PCSK5: variants seen among roughly 807,000 people sequenced by gnomAD.
PCSK5 encodes the protein prohormone convertase 5.
In PCSK5, 129 loss-of-function variants were observed where a neutral mutation model predicts 233.2. The observed-to-expected ratio is 0.55, with a 90% CI of 0.48 to 0.64. PCSK5 has a LOEUF of 0.64. Ranked by LOEUF, PCSK5 falls within the 30% of genes least tolerant of loss-of-function variation. PCSK5 has a pLI of 0.00. For missense variants in PCSK5, 2,076 were observed against 2,430.1 expected, an observed-to-expected ratio of 0.85 and a Z score of 3.06; for synonymous variants, 825 against 879.2, an observed-to-expected ratio of 0.94 and a Z score of 1.09.
intron 3 of PCSK5, among the ~76,000 whole-genome samples, chr9:75,993,929 T>G (rs1159450075): frequency 6.6e-5 from 10 of 152,226 alleles, no homozygotes; most frequent in South Asian, 2.1e-4. Flanking sequence ...AAATTCCACA[T>G]CCACAGAAGA....
intron 10 of PCSK5, among the ~76,000 whole-genome samples, chr9:76,146,543 T>C (rs973968355): frequency 1.3e-5 from 2 of 151,012 alleles, no homozygotes; most frequent in Non-Finnish European, 3.0e-5. Flanking sequence ...TATATATATG[T>C]GTATATATAT....
In PCSK5 at chr9:76,069,214, G is replaced by A. The variant is rs74392776; in HGVS notation, c.721+1171G>A. On this transcript the variant is annotated intron_variant, in intron 6 of 37. Coordinates refer to ENST00000674117, the MANE Select transcript of PCSK5 (RefSeq NM_001372043.1). ...AAAGAGGCAAAGAAAAAAATTCTTC[G>A]TTCCCTGAAGAATGATGAGTTTTGG... Among the ~76,000 whole-genome samples the A allele has an allele frequency of 4.9e-3, 743 of 152,122 alleles. 4 individuals carry two copies. The highest frequency in any genetic ancestry group is 0.017 in the African/African-American group (691 of 41,488).
intron 3 of PCSK5, among the ~76,000 whole-genome samples, chr9:75,992,641 G>C (rs1165365299): frequency 2.0e-5 from 3 of 152,042 alleles, no homozygotes; most frequent in African/African-American, 7.2e-5. Context: ...GAAGGACTCA[G>C]AAGTGTTTCT....
At chr9:76,198,020 C>T (rs1824768911) in intron 20 of PCSK5, among the ~76,000 whole-genome samples, 1 of 152,226 alleles carries the variant, frequency 6.6e-6, no homozygotes, top group African/African-American at 2.4e-5. Flanking sequence ...CCTGTCTCCT[C>T]TTCATCACTA....
intron 2 of PCSK5, among the ~76,000 whole-genome samples, chr9:75,962,573 G>A (rs1196623051): frequency 5.3e-5 from 8 of 152,238 alleles, no homozygotes; most frequent in Non-Finnish European, 1.2e-4. Flanking sequence ...TGGTGCTGGA[G>A]TGTGTGCCTG....
intron 30 of PCSK5, among the ~76,000 whole-genome samples, chr9:76,320,815 G>GT (rs1245202255): frequency 7.1e-6 from 1 of 140,280 alleles, no homozygotes; most frequent in African/African-American, 2.7e-5. Context: ...CTGGTTTTTG[G>GT]TTTTGTTTTT....
At chr9:76,200,743 C>T (rs944617988) in intron 20 of PCSK5, among the ~76,000 whole-genome samples, 3 of 152,128 alleles carry the variant, frequency 2.0e-5, no homozygotes, top group Non-Finnish European at 4.4e-5. Flanking sequence ...CTGTGGACGG[C>T]GATCACTTGG....
intron 24 of PCSK5, among the ~76,000 whole-genome samples, chr9:76,276,065 G>A (rs2803409): frequency 0.022 from 3,406 of 152,100 alleles, 53 homozygotes; most frequent in Non-Finnish European, 0.027. Context: ...GGACAAGGCC[G>A]CGGAGTAATC....
chr9:75,894,966 T>G (rs148614924), intron 1 of PCSK5, among the ~76,000 whole-genome samples: 3 of 152,370 alleles, frequency 2.0e-5, no homozygotes, highest in African/African-American at 7.2e-5. Context: ...AGATCCCTTG[T>G]GAACAAACAG....
intron 24 of PCSK5, chr9:76,287,042 G>A (rs1363159683): frequency 6.0e-6 from 1 of 165,334 alleles, no homozygotes; most frequent in Non-Finnish European, 1.3e-5. Flanking sequence ...CTCAGTAATG[G>A]TATCACCCGG....
At chr9:75,928,328 A>C (rs1823595288) in intron 1 of PCSK5, among the ~76,000 whole-genome samples, 1 of 152,064 alleles carries the variant, frequency 6.6e-6, no homozygotes, top group African/African-American at 2.4e-5. Context: ...GCTGCTATTG[A>C]ATAACGTAAC....
chr9:76,208,642 T>C (rs531060634), intron 20 of PCSK5, among the ~76,000 whole-genome samples: 2 of 152,338 alleles, frequency 1.3e-5, no homozygotes, highest in East Asian at 3.9e-4. Context: ...AGTCATCTGT[T>C]CTTAAAAATA....
chr9:76,134,059 C>T, intron 9 of PCSK5, 50 bp from the exon 10 acceptor site: 1 of 1,148,612 alleles, frequency 8.7e-7, no homozygotes, highest in East Asian at 2.4e-5. Context: ...CTCTGCTTCC[C>T]CCATCTTTTT....
At chr9:75,947,690 C>T (rs1374980043) in intron 2 of PCSK5, among the ~76,000 whole-genome samples, 1 of 152,132 alleles carries the variant, frequency 6.6e-6, no homozygotes, top group Admixed American at 6.6e-5. Context: ...ATGGGATTCC[C>T]TTCTTCAACT....
chr9:76,301,975 T>A, intron 27 of PCSK5, among the ~76,000 whole-genome samples, 162 bp from the exon 28 acceptor site: 1 of 119,460 alleles, frequency 8.4e-6, no homozygotes, highest in South Asian at 2.8e-4. Flanking sequence ...CATCTATACA[T>A]AGATGTAATT....
intron 2 of PCSK5, among the ~76,000 whole-genome samples, chr9:75,939,186 G>C (rs10869668): frequency 0.82 from 124,382 of 152,150 alleles, 50,905 homozygotes; most frequent in East Asian, 0.85. Context: ...ATAGCCTTGA[G>C]TCACACATAT....
chr9:76,016,535 T>C (rs1317076285), intron 3 of PCSK5, among the ~76,000 whole-genome samples: 2 of 152,232 alleles, frequency 1.3e-5, no homozygotes, highest in African/African-American at 4.8e-5. Flanking sequence ...AGCTTGTTCT[T>C]GGTGCCTCAG....
At chr9:76,276,617 G>T (rs1231352151) in intron 24 of PCSK5, among the ~76,000 whole-genome samples, 1 of 152,078 alleles carries the variant, frequency 6.6e-6, no homozygotes, top group Non-Finnish European at 1.5e-5. Flanking sequence ...AACCTCCCAT[G>T]CTAGCTCTTT....
intron 17 of PCSK5, among the ~76,000 whole-genome samples, chr9:76,187,417 A>G (rs1248007091): frequency 6.6e-6 from 1 of 152,054 alleles, no homozygotes; most frequent in East Asian, 1.9e-4. Flanking sequence ...CAGCCAAGCT[A>G]GAGTGCAGTG....
Sources: allele counts gnomAD v4.1 joint callset (sites outside exome capture counted in the v4.1 genomes callset), GRCh38; gene constraint gnomAD v4.1.1; transcripts MANE v1.5; gene names NCBI Gene and HGNC (gene_info 2026-07-23, HGNC 2026-07-21).